The following RNF180 variants were observed in gnomAD, a reference collection of about 807,000 sequenced individuals.
RNF180 encodes the protein ring finger protein 180.
A neutral mutation model predicts 59.2 loss-of-function variants in RNF180; 38 were observed. That is an observed-to-expected ratio of 0.64 (90% CI 0.50 to 0.84). The LOEUF is 0.84. Among genes scored for constraint, RNF180 ranks in the 40% least tolerant of loss-of-function variants. RNF180 has a pLI of 0.00. For synonymous variants in RNF180, 262 were observed against 240.3 expected (o/e 1.09, Z -0.84); for missense variants, 705 against 700.9 (o/e 1.01, Z -0.07).
intron 2 of RNF180, among the ~76,000 whole-genome samples, chr5:64,207,291 G>T (rs1752064799): frequency 6.6e-6 from 1 of 152,138 alleles, no homozygotes; most frequent in Non-Finnish European, 1.5e-5. Flanking sequence ...TAGATAGAAT[G>T]CTGGACCTAG....
chr5:64,309,073 AATGTATTTCCTCCAACATTAATAG>A (rs1743621189), intron 5 of RNF180, among the ~76,000 whole-genome samples: 1 of 151,672 alleles, frequency 6.6e-6, no homozygotes, highest in African/African-American at 2.4e-5. Flanking sequence ...AAAGTCTATT[AATGTATTTCCTCCAACATTAATAG>A]ATGTATTTCC....
chr5:64,340,528 A>G (rs1280044510), intron 7 of RNF180, among the ~76,000 whole-genome samples: 1 of 152,256 alleles, frequency 6.6e-6, no homozygotes, highest in Non-Finnish European at 1.5e-5. Context: ...ATGCTCACAC[A>G]GCATGAGTGT....
intron 1 of RNF180, among the ~76,000 whole-genome samples, chr5:64,171,514 C>T (rs1328202810): frequency 7.2e-5 from 11 of 152,168 alleles, no homozygotes. Context: ...TCTCATTGTA[C>T]ATGTTCAAAT....
At chr5:64,344,374 C>A (rs191591895) in intron 7 of RNF180, among the ~76,000 whole-genome samples, 2 of 151,996 alleles carry the variant, frequency 1.3e-5, no homozygotes, top group South Asian at 2.1e-4. Context: ...ATAAAAGAGG[C>A]AATTCCATAG....
At position 64,311,719 on chromosome 5, in the gene RNF180, C is replaced by G. The variant is rs567973290; in HGVS notation, c.1228-13467C>G. Among the ~76,000 whole-genome samples the G allele has an allele frequency of 2.0e-5, 3 of 151,958 alleles. No homozygotes were observed. The South Asian group carries it at 6.2e-4, about 32-fold the overall frequency. ...TGGTTTAGTGGACATTTTTGGGAAA[C>G]GTCTTCAGTATCGATTCCTACCATC... On this transcript the variant is annotated intron_variant, in intron 5 of 7. Coordinates refer to ENST00000389100, the MANE Select transcript of RNF180 (RefSeq NM_001113561.2).
intron 5 of RNF180, among the ~76,000 whole-genome samples, chr5:64,282,280 G>C (rs535010670): frequency 4.6e-5 from 7 of 152,178 alleles, no homozygotes; most frequent in Admixed American, 2.6e-4. Context: ...TTCTTGGGAG[G>C]TTGTATGTTT....
At chr5:64,246,825 C>T (rs1159861995) in intron 5 of RNF180, among the ~76,000 whole-genome samples, 5 of 152,114 alleles carry the variant, frequency 3.3e-5, no homozygotes, top group Non-Finnish European at 5.9e-5. Flanking sequence ...AAGTTCAGGC[C>T]AATATCCTGA....
intron 2 of RNF180, among the ~76,000 whole-genome samples, chr5:64,204,564 G>T (rs780387093): frequency 4.6e-5 from 7 of 151,942 alleles, no homozygotes; most frequent in Non-Finnish European, 7.4e-5. Flanking sequence ...GAGATTCTGT[G>T]TTCTAAATAC....
At position 64,330,541 on chromosome 5, in the gene RNF180, C is replaced by A. The variant is rs1744855026; in HGVS notation, c.1579+135C>A. The A allele has an allele frequency of 9.4e-6, 8 of 847,066 alleles. No individual in the cohort carries two copies. The South Asian group carries it at 1.2e-4, about 13-fold the overall frequency. The allele number at this position is 847,066 out of a possible 1,614,324, so 52.5% of individuals were successfully genotyped here. A position where few individuals can be genotyped will look rare whatever the true frequency, so the allele number is the denominator to read the frequency against. ...TAATCAATTTTAAATAAGGATTTTG[C>A]TAAGTATCTCCTTGCTGAAAACTAC... On this transcript the variant is annotated intron_variant, in intron 7 of 7. Transcript: ENST00000389100.
At chr5:64,258,995 TAGG>T (rs1444169017) in intron 5 of RNF180, among the ~76,000 whole-genome samples, 1 of 152,110 alleles carries the variant, frequency 6.6e-6, no homozygotes, top group Admixed American at 6.6e-5. Flanking sequence ...CAGCAGTGGG[TAGG>T]AGAAGAAGCT....
At chr5:64,171,464 C>T (rs1217294518) in intron 1 of RNF180, among the ~76,000 whole-genome samples, 1 of 152,188 alleles carries the variant, frequency 6.6e-6, no homozygotes, top group Non-Finnish European at 1.5e-5. Context: ...CAGGCACATA[C>T]AGACTATTGC....
At chr5:64,329,949 G>C (rs10035102) in intron 6 of RNF180, among the ~76,000 whole-genome samples, 38,578 of 152,064 alleles carry the variant, frequency 0.25, 5,036 homozygotes, top group Middle Eastern at 0.32. Context: ...GTGACCCAGG[G>C]GTTGGGGACC....
In RNF180 at chr5:64,370,966, C is replaced by T. The variant is rs1164349070; in HGVS notation, c.*1152C>T. On this transcript the variant is annotated 3_prime_UTR_variant, in exon 8 of 8. Transcript: ENST00000389100. ...TTTTACATAAAATAGGTGACTCTCT[C>T]GTGGCACTAAAAATACTACCACTAT... The T allele has an allele frequency of 2.0e-5, 3 of 151,694 alleles. No homozygotes were observed. The highest frequency in any genetic ancestry group is 1.3e-4 in the Admixed American group (2 of 15,202). The allele number at this position is 151,694 out of a possible 1,614,324, so 9.4% of individuals were successfully genotyped here.
At chr5:64,206,377 G>A (rs1034438599) in intron 2 of RNF180, among the ~76,000 whole-genome samples, 6 of 152,310 alleles carry the variant, frequency 3.9e-5, no homozygotes, top group Admixed American at 3.9e-4. Context: ...TGCCAATGCA[G>A]TGGCTGACAT....
intron 7 of RNF180, among the ~76,000 whole-genome samples, chr5:64,361,916 T>G (rs894919905): frequency 6.6e-6 from 1 of 151,354 alleles, no homozygotes; most frequent in Non-Finnish European, 1.5e-5. Context: ...AAAATTGGTA[T>G]TTGGTGGACA....
intron 7 of RNF180, among the ~76,000 whole-genome samples, chr5:64,337,001 G>GTT (rs769603834): frequency 0.034 from 5,044 of 148,942 alleles, 117 homozygotes; most frequent in Non-Finnish European, 0.056. Flanking sequence ...TTTTTTTGTT[G>GTT]TTGTTTTTTT....
chr5:64,365,138 G>T (rs1257693826), intron 7 of RNF180, among the ~76,000 whole-genome samples: 2 of 151,336 alleles, frequency 1.3e-5, no homozygotes, highest in African/African-American at 2.4e-5. Context: ...TAGTTGTAAT[G>T]TTAGGCTGTT....
intron 5 of RNF180, among the ~76,000 whole-genome samples, chr5:64,270,721 G>A (rs1428064845): frequency 6.6e-6 from 1 of 152,024 alleles, no homozygotes; most frequent in Admixed American, 6.6e-5. Flanking sequence ...ATTTATTTCT[G>A]TATATTACCT....
intron 3 of RNF180, 30 bp from the exon 4 acceptor site, chr5:64,213,528 A>G (rs200955638): frequency 5.8e-6 from 9 of 1,554,812 alleles, no homozygotes; most frequent in African/African-American, 5.5e-5. Context: ...TAATGAAAGC[A>G]CTGTCTTTAT....
Sources: gnomAD v4.1 joint callset for allele counts (sites outside exome capture counted in the v4.1 genomes callset) on GRCh38, gnomAD v4.1.1 for gene constraint, MANE v1.5 for transcripts, NCBI Gene and HGNC (gene_info 2026-07-23, HGNC 2026-07-21) for gene names.